Variants in GALNT18 observed in about 807,000 individuals in gnomAD.
GALNT18 encodes polypeptide N-acetylgalactosaminyltransferase 18, also known as GalNAc-transferase 18.
GALNT18 carries 44 observed loss-of-function variants against 69.5 expected under a neutral mutation model. The ratio of observed to expected loss-of-function variants is 0.63; its 90% CI spans 0.50 to 0.81. The LOEUF (loss-of-function observed/expected upper bound fraction) is 0.81. Ranked by LOEUF, GALNT18 falls within the 40% of genes least tolerant of loss-of-function variation. GALNT18 has a pLI of 0.00. For missense variants in GALNT18, 715 were observed against 810.0 expected (o/e 0.88, Z 1.42); for synonymous variants, 364 against 318.2 (o/e 1.14, Z -1.53).
At chr11:11,507,831 G>A (rs913814721) in intron 1 of GALNT18, among the ~76,000 whole-genome samples, 1 of 152,174 alleles carries the variant, frequency 6.6e-6, no homozygotes, top group Non-Finnish European at 1.5e-5. Context: ...AGCTGCCAGT[G>A]TGGTCAGAAT....
At chr11:11,271,400 A>C in intron 10 of GALNT18, 110 bp from the exon 11 acceptor site, 4 of 1,109,822 alleles carry the variant, frequency 3.6e-6, no homozygotes, top group Non-Finnish European at 4.0e-6. Context: ...GTGTGGCCAG[A>C]TCCCAGGAGG....
intron 1 of GALNT18, among the ~76,000 whole-genome samples, chr11:11,466,028 A>T (rs1856149086): frequency 6.6e-6 from 1 of 152,206 alleles, no homozygotes; most frequent in African/African-American, 2.4e-5. Flanking sequence ...ATCATAACCT[A>T]CAAAACTGTA....
chr11:11,377,366 G>A lies in GALNT18; in HGVS notation c.793C>T (p.Leu265Phe). Residue 265 changes from leucine (L) to phenylalanine (F), a missense_variant, in exon 5 of 11, where the codon CTC becomes TTC. Transcript: ENST00000227756. The surrounding 1 kb of genome is among the most constrained non-coding windows in gnomAD (Gnocchi z 4.6). ...EFNVGWAEPVLTRIKENRKRI... is the reference protein window; with the variant it reads ...EFNVGWAEPVFTRIKENRKRI... ...TTCCGGTTCTCCTTGATGCGGGTGA[G>A]TACAGGTTCAGCCCTGGGCAGAGAG... 1 of 1,613,730 alleles carries A rather than the reference G, an allele frequency of 6.2e-7. No individual in the cohort carries two copies.
chr11:11,464,610 A>G (rs1856116804), intron 1 of GALNT18, among the ~76,000 whole-genome samples: 1 of 152,210 alleles, frequency 6.6e-6, no homozygotes, highest in African/African-American at 2.4e-5. Flanking sequence ...AAAAGTGAAA[A>G]TTAAAGTCCA....
In GALNT18 at chr11:11,614,035, C is replaced by T. The variant is rs150688005; in HGVS notation, c.235+7324G>A. ...GGGCAGCCTGTCTGTCCCCATCTCCCAGATAGAACCCAGCTAACAAAAAGC... is the reference window on the plus strand; with the variant it reads ...GGGCAGCCTGTCTGTCCCCATCTCCTAGATAGAACCCAGCTAACAAAAAGC... On this transcript the variant is annotated intron_variant, in intron 1 of 10. Transcript: ENST00000227756. The surrounding 1 kb of genome is among the most constrained non-coding windows in gnomAD (Gnocchi z 5.6). Among the ~76,000 whole-genome samples the T allele has an allele frequency of 1.9e-3, 283 of 152,292 alleles. 1 individual carries two copies. The highest frequency in any genetic ancestry group is 6.5e-3 in the African/African-American group (272 of 41,552).
At chr11:11,409,380 G>A (rs566465264) in intron 3 of GALNT18, among the ~76,000 whole-genome samples, 3 of 152,246 alleles carry the variant, frequency 2.0e-5, no homozygotes, top group East Asian at 3.9e-4. Flanking sequence ...AATCAAAGCC[G>A]CCTCTGCTCT....
chr11:11,394,258 C>A (rs1198670653), intron 3 of GALNT18, among the ~76,000 whole-genome samples: 4 of 152,238 alleles, frequency 2.6e-5, no homozygotes, highest in Non-Finnish European at 1.5e-5. Context: ...ATTAAAAAAC[C>A]ATCACAGGTA....
chr11:11,585,354 CT>C (rs796771821), intron 1 of GALNT18, among the ~76,000 whole-genome samples: 422 of 138,262 alleles, frequency 3.1e-3, no homozygotes, highest in African/African-American at 5.3e-3. Context: ...GAAGAAAAAT[CT>C]TTTTTTTTTT....
intron 9 of GALNT18, among the ~76,000 whole-genome samples, chr11:11,319,873 C>T (rs1415730339): frequency 6.6e-6 from 1 of 152,202 alleles, no homozygotes; most frequent in African/African-American, 2.4e-5. Flanking sequence ...GTGTCTTTAC[C>T]AATCTGGTAA....
intron 10 of GALNT18, among the ~76,000 whole-genome samples, chr11:11,285,753 G>A (rs1167924646): frequency 1.3e-5 from 2 of 152,228 alleles, no homozygotes; most frequent in Non-Finnish European, 2.9e-5. Context: ...TGGAGCAGGA[G>A]AAAGTCAAGG....
At chr11:11,509,249 T>C (rs1280295742) in intron 1 of GALNT18, among the ~76,000 whole-genome samples, 1 of 152,216 alleles carries the variant, frequency 6.6e-6, no homozygotes. Context: ...GAGCTTGTTT[T>C]CAGAACATCA....
chr11:11,280,527 G>T (rs983955301), intron 10 of GALNT18, among the ~76,000 whole-genome samples: 1 of 152,076 alleles, frequency 6.6e-6, no homozygotes, highest in Non-Finnish European at 1.5e-5. Context: ...GGCTTCCCCA[G>T]CGGCCTGCTG....
chr11:11,373,073 CA>C (rs1306527818), intron 5 of GALNT18, among the ~76,000 whole-genome samples: 3 of 152,190 alleles, frequency 2.0e-5, no homozygotes, highest in African/African-American at 7.2e-5. Flanking sequence ...GACCAGGTTG[CA>C]AAGGGTTTTG....
chr11:11,283,440 T>A (rs762817631), intron 10 of GALNT18, among the ~76,000 whole-genome samples: 3 of 152,168 alleles, frequency 2.0e-5, no homozygotes, highest in African/African-American at 7.2e-5. Context: ...ACTTTGACTT[T>A]TAATCTGAAT....
In GALNT18 at chr11:11,446,484, T is replaced by C. The variant is rs931624101; in HGVS notation, c.428+2260A>G. Among the ~76,000 whole-genome samples, 3 of 152,136 alleles carry C rather than the reference T, an allele frequency of 2.0e-5. No individual in the cohort carries two copies. In the East Asian group the frequency reaches 5.8e-4, roughly 29 times the overall value. ...CTAGAGGGCCCTATTCCTGATGATC[T>C]CTTCTCCAGAGCCCCTGTGTGCTGC... On this transcript the variant is annotated intron_variant, in intron 2 of 10. Coordinates refer to ENST00000227756, the MANE Select transcript of GALNT18 (RefSeq NM_198516.3).
At chr11:11,472,928 G>A (rs576687618) in intron 1 of GALNT18, among the ~76,000 whole-genome samples, 2 of 152,178 alleles carry the variant, frequency 1.3e-5, no homozygotes, top group East Asian at 3.9e-4. Flanking sequence ...GAAGGTTGAG[G>A]TTGCAGTGAG....
intron 9 of GALNT18, among the ~76,000 whole-genome samples, chr11:11,293,563 CAG>C (rs1432497002): frequency 3.3e-5 from 3 of 91,402 alleles, no homozygotes; most frequent in African/African-American, 4.6e-5. Context: ...TTTTTGGAGA[CAG>C]AGTCTTGCTC....
intron 2 of GALNT18, among the ~76,000 whole-genome samples, chr11:11,441,573 C>T (rs1056218638): frequency 1.3e-5 from 2 of 152,136 alleles, no homozygotes; most frequent in African/African-American, 4.8e-5. Context: ...TGTGAATGTT[C>T]GGTATTCCCC....
At chr11:11,288,148 C>A (rs912498205) in intron 10 of GALNT18, among the ~76,000 whole-genome samples, 1 of 152,112 alleles carries the variant, frequency 6.6e-6, no homozygotes, top group Non-Finnish European at 1.5e-5. Context: ...CTTCCCCATT[C>A]CTTCCTTCTG....
Sources: gnomAD v4.1 joint callset for allele counts (sites outside exome capture counted in the v4.1 genomes callset) on GRCh38, gnomAD v4.1.1 for gene constraint, Gnocchi (gnomAD v3.1) non-coding constraint, MANE v1.5 for transcripts, NCBI Gene and HGNC (gene_info 2026-07-23, HGNC 2026-07-21) for gene names.